TSNARE1: variants seen among roughly 807,000 people sequenced by gnomAD.
TSNARE1 encodes t-SNARE domain-containing protein 1.
A neutral mutation model predicts 62.0 loss-of-function variants in TSNARE1; 49 were observed. The observed-to-expected ratio is 0.79, with a 90% CI of 0.63 to 1.00. TSNARE1 has a LOEUF of 1.00. Ranked by LOEUF, TSNARE1 falls within the 50% of genes least tolerant of loss-of-function variation. The pLI is 0.00. For missense variants in TSNARE1, 755 were observed against 700.1 expected, an observed-to-expected ratio of 1.08 and a Z score of -0.88; for synonymous variants, 328 against 294.4, an observed-to-expected ratio of 1.11 and a Z score of -1.17.
chr8:142,337,647 G>A (rs373718472), intron 4 of TSNARE1, among the ~76,000 whole-genome samples: 23 of 152,336 alleles, frequency 1.5e-4, no homozygotes, highest in African/African-American at 4.8e-4. Flanking sequence ...CTACTGCTGG[G>A]GGTCCACGGT....
At chr8:142,352,169 A>G (rs549439650) in intron 2 of TSNARE1, among the ~76,000 whole-genome samples, 12 of 152,358 alleles carry the variant, frequency 7.9e-5, no homozygotes, top group African/African-American at 2.9e-4. Flanking sequence ...TTTCATCTCC[A>G]GAGCACAGGA....
chr8:142,228,634 G>A (rs919363532), intron 13 of TSNARE1, among the ~76,000 whole-genome samples: 1 of 152,252 alleles, frequency 6.6e-6, no homozygotes, highest in African/African-American at 2.4e-5. Flanking sequence ...AGGCTTCAGG[G>A]TGGCCTTGCC....
chr8:142,217,664 G>A (rs1177799560), intron 13 of TSNARE1, among the ~76,000 whole-genome samples: 1 of 152,250 alleles, frequency 6.6e-6, no homozygotes, highest in African/African-American at 2.4e-5. Flanking sequence ...CATCAATGAA[G>A]GGTCAGGGCT....
At chr8:142,322,947 G>A (rs1007840114) in intron 6 of TSNARE1, among the ~76,000 whole-genome samples, 3 of 151,224 alleles carry the variant, frequency 2.0e-5, no homozygotes, top group African/African-American at 4.9e-5. Flanking sequence ...CGGCCTTACC[G>A]TGTCCGTGGG....
At chr8:142,303,695 C>T (rs1826167434) in intron 9 of TSNARE1, among the ~76,000 whole-genome samples, 1 of 152,238 alleles carries the variant, frequency 6.6e-6, no homozygotes, top group Non-Finnish European at 1.5e-5. Context: ...TGGCAGAAGC[C>T]ACCCCAGGCA....
At chr8:142,347,084 G>A (rs988503720) in intron 2 of TSNARE1, among the ~76,000 whole-genome samples, 1 of 152,240 alleles carries the variant, frequency 6.6e-6, no homozygotes, top group Admixed American at 6.5e-5. Context: ...CTCTGGACTG[G>A]GGCACGCTCA....
At chr8:142,245,810 T>C (rs1019221162) in intron 12 of TSNARE1, among the ~76,000 whole-genome samples, 1 of 152,138 alleles carries the variant, frequency 6.6e-6, no homozygotes, top group African/African-American at 2.4e-5. Flanking sequence ...CTGTTGGTTC[T>C]GGGTTAGGAG....
intron 1 of TSNARE1, among the ~76,000 whole-genome samples, chr8:142,399,652 T>C (rs1838145052): frequency 6.6e-6 from 1 of 152,182 alleles, no homozygotes; most frequent in Non-Finnish European, 1.5e-5. Context: ...GCCTTTAGTC[T>C]TTTGGTCACC....
At chr8:142,282,898 G>A (rs1191585670) in intron 11 of TSNARE1, among the ~76,000 whole-genome samples, 1 of 145,412 alleles carries the variant, frequency 6.9e-6, no homozygotes, top group Non-Finnish European at 1.5e-5. Flanking sequence ...ATGAGCAGAG[G>A]CGGGGCCAGT....
At chr8:142,280,341 G>A in intron 11 of TSNARE1, 1 of 985,076 alleles carries the variant, frequency 1.0e-6, no homozygotes, top group Non-Finnish European at 1.2e-6. Flanking sequence ...AGGCACCAGA[G>A]GCTGAGCAGG....
chr8:142,269,608 C>T (rs1259597062), intron 12 of TSNARE1: 1 of 985,198 alleles, frequency 1.0e-6, no homozygotes, highest in East Asian at 1.1e-4. Context: ...TGATTACAGG[C>T]ATGAGCCACT....
At chr8:142,376,288 G>A (rs187814627) in intron 1 of TSNARE1, among the ~76,000 whole-genome samples, 3 of 152,296 alleles carry the variant, frequency 2.0e-5, no homozygotes, top group Admixed American at 2.0e-4. Flanking sequence ...CTTGAGAACC[G>A]CAAGGGCGAC....
chr8:142,401,791 G>A (rs1190077470), intron 1 of TSNARE1, among the ~76,000 whole-genome samples: 2 of 152,178 alleles, frequency 1.3e-5, no homozygotes, highest in Non-Finnish European at 2.9e-5. Context: ...CTGCATTCAC[G>A]GCCTGTGCTG....
intron 10 of TSNARE1, among the ~76,000 whole-genome samples, chr8:142,286,966 GGGAAGAC>G (rs1822867242): frequency 6.6e-6 from 1 of 152,244 alleles, no homozygotes; most frequent in African/African-American, 2.4e-5. Context: ...GCATTTGACA[GGGAAGAC>G]GGAACCTGAG....
intron 6 of TSNARE1, among the ~76,000 whole-genome samples, chr8:142,323,128 C>T (rs1324653963): frequency 6.6e-6 from 1 of 152,062 alleles, no homozygotes; most frequent in Non-Finnish European, 1.5e-5. Context: ...TAAAGGCCAG[C>T]CTAGCCATGT....
At chr8:142,406,184 T>C, upstream of TSNARE1, 1 of 152,478 alleles carries the variant, frequency 6.6e-6, no homozygotes. Context: ...GCTGAGGATG[T>C]GAGCAGCTGC....
At chr8:142,292,809 A>G (rs1356980751) in intron 10 of TSNARE1, among the ~76,000 whole-genome samples, 1 of 152,042 alleles carries the variant, frequency 6.6e-6, no homozygotes. Flanking sequence ...AGAGCCCCAA[A>G]CAGTTCCCAG....
chr8:142,341,879 C>T (rs1328951910), intron 4 of TSNARE1, among the ~76,000 whole-genome samples: 3 of 152,218 alleles, frequency 2.0e-5, no homozygotes, highest in Non-Finnish European at 2.9e-5. Flanking sequence ...GAAACCCACT[C>T]GAACCCTGTG....
chr8:142,313,673 CTCTG>C (rs1828035055), intron 9 of TSNARE1, among the ~76,000 whole-genome samples: 1 of 151,954 alleles, frequency 6.6e-6, no homozygotes, highest in African/African-American at 2.4e-5. Flanking sequence ...GTGTCTGTGT[CTCTG>C]TGTGTTTATC....
Sources: allele counts gnomAD v4.1 joint callset (sites outside exome capture counted in the v4.1 genomes callset), GRCh38; gene constraint gnomAD v4.1.1; transcripts MANE v1.5; gene names NCBI Gene and HGNC (gene_info 2026-07-23, HGNC 2026-07-21).